Variants in NAALADL2 observed in about 807,000 individuals in gnomAD.
NAALADL2 encodes the protein N-acetylated alpha-linked acidic dipeptidase like 2.
A neutral mutation model predicts 87.2 loss-of-function variants in NAALADL2; 76 were observed. The ratio of observed to expected loss-of-function variants is 0.87; its 90% CI spans 0.72 to 1.05. The LOEUF is 1.05. Among genes scored for constraint, NAALADL2 ranks in the 50% least tolerant of loss-of-function variants. The pLI is 0.00. For synonymous variants in NAALADL2, 354 were observed against 331.0 expected (o/e 1.07, Z -0.75); for missense variants, 1,089 against 945.8 (o/e 1.15, Z -1.99).
At chr3:174,784,825 T>C (rs1170631737) in intron 3 of NAALADL2, among the ~76,000 whole-genome samples, 3 of 152,198 alleles carry the variant, frequency 2.0e-5, no homozygotes, top group Non-Finnish European at 4.4e-5. Flanking sequence ...ATGAACCTTA[T>C]TGTATAGGCA....
intron 9 of NAALADL2, among the ~76,000 whole-genome samples, chr3:175,507,615 C>T (rs926946959): frequency 1.3e-5 from 2 of 151,864 alleles, no homozygotes; most frequent in African/African-American, 2.4e-5. Context: ...GTAGAGATGG[C>T]GTTTCACCAT....
chr3:175,273,619 G>C (rs571826288), intron 4 of NAALADL2, among the ~76,000 whole-genome samples: 1 of 151,746 alleles, frequency 6.6e-6, no homozygotes, highest in Admixed American at 6.6e-5. Context: ...GGTAAAACTT[G>C]CAAAAATCAA....
intron 3 of NAALADL2, among the ~76,000 whole-genome samples, chr3:174,753,848 T>A (rs1711591464): frequency 6.6e-6 from 1 of 152,168 alleles, no homozygotes; most frequent in African/African-American, 2.4e-5. Context: ...TAGGTTAAGA[T>A]GAGGTCATGA....
intron 12 of NAALADL2, among the ~76,000 whole-genome samples, chr3:175,742,912 A>G (rs1020287827): frequency 2.1e-4 from 32 of 151,942 alleles, no homozygotes; most frequent in Non-Finnish European, 3.5e-4. Context: ...GAGGACAAGG[A>G]TGTTTCTTTT....
intron 2 of NAALADL2, among the ~76,000 whole-genome samples, chr3:175,185,151 A>C (rs1014396733): frequency 2.0e-5 from 3 of 152,070 alleles, no homozygotes; most frequent in African/African-American, 7.2e-5. Flanking sequence ...AAACCTATAA[A>C]ACAATTCAAA....
At chr3:174,800,714 A>G (rs1043917441) in intron 3 of NAALADL2, among the ~76,000 whole-genome samples, 2 of 152,198 alleles carry the variant, frequency 1.3e-5, no homozygotes, top group African/African-American at 2.4e-5. Flanking sequence ...AAAGCTGCAT[A>G]TGCTAAACAC....
At chr3:175,366,463 A>G (rs1183377225) in intron 5 of NAALADL2, among the ~76,000 whole-genome samples, 1 of 151,500 alleles carries the variant, frequency 6.6e-6, no homozygotes, top group Non-Finnish European at 1.5e-5. Context: ...GAACTAGTTT[A>G]CAGTCCCACC....
At chr3:175,623,535 G>A (rs1726546558) in intron 10 of NAALADL2, among the ~76,000 whole-genome samples, 1 of 152,018 alleles carries the variant, frequency 6.6e-6, no homozygotes, top group Non-Finnish European at 1.5e-5. Flanking sequence ...AAGGATATGT[G>A]AAAATAAAAT....
At chr3:175,214,068 A>C (rs1742148646) in intron 2 of NAALADL2, among the ~76,000 whole-genome samples, 1 of 152,208 alleles carries the variant, frequency 6.6e-6, no homozygotes, top group Admixed American at 6.5e-5. Context: ...AAATATACTC[A>C]ATATGAGCCA....
chr3:174,523,495 TG>T (rs1178420955), intron 1 of NAALADL2: 1 of 152,226 alleles, frequency 6.6e-6, no homozygotes, highest in East Asian at 1.9e-4. Context: ...TTCTGAAGTT[TG>T]TATCTACATC....
chr3:174,669,784 T>C (rs1185005710), intron 2 of NAALADL2, among the ~76,000 whole-genome samples: 2 of 152,080 alleles, frequency 1.3e-5, no homozygotes, highest in Admixed American at 6.6e-5. Flanking sequence ...AATGCCATTG[T>C]GATTTTTGAT....
At chr3:174,907,302 C>G (rs1300877198) in intron 1 of NAALADL2, among the ~76,000 whole-genome samples, 1 of 151,982 alleles carries the variant, frequency 6.6e-6, no homozygotes, top group East Asian at 1.9e-4. Flanking sequence ...CAGCAAATTA[C>G]CCAAGATGGA....
Position 174,765,262 on chromosome 3 carries a change from G to T in NAALADL2, c.-9+27516G>T, listed in dbSNP as rs141481389. Among the ~76,000 whole-genome samples, 468 of 152,062 alleles carry T rather than the reference G, an allele frequency of 3.1e-3. 2 individuals are homozygous for T. The highest frequency in any genetic ancestry group is 0.011 in the African/African-American group (448 of 41,458). ...TTAGCTACTGCACCAAATTGGGAAG[G>T]TTATTTAAATAGTTGCAATGAGGAA... On this transcript the variant is annotated intron_variant, in intron 3 of 3. Transcript: ENST00000434257.
At chr3:175,292,579 A>G (rs1256822585) in intron 4 of NAALADL2, among the ~76,000 whole-genome samples, 1 of 123,146 alleles carries the variant, frequency 8.1e-6, no homozygotes, top group East Asian at 2.3e-4. Context: ...ATGCAGTCTG[A>G]TTGTGAGTTG....
At chr3:175,034,539 A>G (rs1753183106) in intron 1 of NAALADL2, among the ~76,000 whole-genome samples, 1 of 152,136 alleles carries the variant, frequency 6.6e-6, no homozygotes, top group Non-Finnish European at 1.5e-5. Flanking sequence ...ATCTTATCAA[A>G]GAGACTTCCC....
intron 1 of NAALADL2, among the ~76,000 whole-genome samples, chr3:174,972,770 C>T (rs572556097): frequency 4.6e-5 from 7 of 151,902 alleles, no homozygotes; most frequent in East Asian, 1.9e-4. Flanking sequence ...CCGAGGTGGG[C>T]GGGTCACCTG....
intron 1 of NAALADL2, among the ~76,000 whole-genome samples, chr3:174,871,019 G>A (rs1579286887): frequency 6.6e-6 from 1 of 152,236 alleles, no homozygotes; most frequent in East Asian, 1.9e-4. Flanking sequence ...TATTGAAGGT[G>A]ATAAAGCTCT....
At chr3:175,566,367 A>AT (rs1235627943) in intron 9 of NAALADL2, among the ~76,000 whole-genome samples, 1 of 152,182 alleles carries the variant, frequency 6.6e-6, no homozygotes, top group East Asian at 1.9e-4. Flanking sequence ...GCATTTGAAC[A>AT]TATTAGAGCG....
chr3:175,308,029 G>A (rs1757924829), intron 4 of NAALADL2, among the ~76,000 whole-genome samples: 1 of 152,164 alleles, frequency 6.6e-6, no homozygotes, highest in African/African-American at 2.4e-5. Context: ...GCCTATGAGA[G>A]GTAGATATGC....
Sources: allele counts gnomAD v4.1 joint callset (sites outside exome capture counted in the v4.1 genomes callset), GRCh38; gene constraint gnomAD v4.1.1; transcripts MANE v1.5; gene names NCBI Gene and HGNC (gene_info 2026-07-23, HGNC 2026-07-21).